Variants in NSMCE1 observed in about 807,000 individuals in gnomAD.
NSMCE1 encodes NSE1 component of SMC5/6 complex.
NSMCE1 carries 18 observed loss-of-function variants against 29.6 expected under a neutral mutation model. The observed-to-expected ratio is 0.61, with a 90% CI of 0.42 to 0.90. The LOEUF (loss-of-function observed/expected upper bound fraction) is 0.90. Among genes scored for constraint, NSMCE1 ranks in the 40% least tolerant of loss-of-function variants. The pLI is 0.00. For missense variants in NSMCE1, 314 were observed against 343.6 expected (o/e 0.91, Z 0.68); for synonymous variants, 124 against 133.4 (o/e 0.93, Z 0.49).
intron 2 of NSMCE1, 150 bp from the exon 3 acceptor site, chr16:27,235,449 G>A: frequency 1.3e-6 from 1 of 775,076 alleles, no homozygotes; most frequent in Admixed American, 3.0e-5. Flanking sequence ...GAACGCCAAT[G>A]CCACGTGGCT....
intron 2 of NSMCE1, among the ~76,000 whole-genome samples, chr16:27,251,159 AATATATATATAT>A (rs1166070119): frequency 1.2e-4 from 8 of 65,778 alleles, no homozygotes; most frequent in Non-Finnish European, 1.8e-4. Flanking sequence ...AATTATTTAA[AATATATATATAT>A]ATATATATAT....
chr16:27,243,397 T>C (rs555909916), intron 2 of NSMCE1, among the ~76,000 whole-genome samples: 1 of 152,302 alleles, frequency 6.6e-6, no homozygotes, highest in East Asian at 1.9e-4. Context: ...ATGGACCGTG[T>C]TACACTCATT....
intron 2 of NSMCE1, among the ~76,000 whole-genome samples, chr16:27,251,177 T>A (rs192319641): frequency 1.9e-5 from 1 of 52,140 alleles, no homozygotes; most frequent in Admixed American, 1.6e-4. Flanking sequence ...TATATATATA[T>A]ATATATATAT....
rs2083777210 is a variant in NSMCE1 at position 27,232,919 on chromosome 16, T to C, written c.483+82A>G. 1 of 1,456,850 alleles carries C rather than the reference T, an allele frequency of 6.9e-7. No individual in the cohort carries two copies. The highest frequency in any genetic ancestry group is 1.4e-5 in the African/African-American group (1 of 71,400). The allele number at this position is 1,456,850 out of a possible 1,614,324, so 90.2% of individuals were successfully genotyped here. On this transcript the variant is annotated intron_variant, in intron 5 of 7. Transcript: ENST00000361439. This position sits in a 1 kb window ranked among gnomAD's most constrained non-coding sequence, Gnocchi z 4.5. ...GAAGGCCGGGCTCCTCAGACATCAGTTGGCTACAAGTACGATTTTGGAGAA... is the reference window on the plus strand; with the variant it reads ...GAAGGCCGGGCTCCTCAGACATCAGCTGGCTACAAGTACGATTTTGGAGAA...
chr16:27,226,812 C>T lies in NSMCE1; in HGVS notation c.508G>A (p.Gly170Ser), dbSNP rs568194932. Residue 170 changes from glycine to serine, a missense_variant, in exon 6 of 8, where the codon GGC becomes AGC. Gly to Ser is a moderately conservative substitution (Grantham distance 56). Coordinates refer to ENST00000361439, the MANE Select transcript of NSMCE1 (RefSeq NM_145080.4). ...IEKEGEFTLH[G>S]RAILEMEQYI... Reference sequence around the variant, plus strand: ...TGCTCCATCTCCAGGATGGCCCGGCCGTGCAGGGTGAACTCCCCTTCCTTC... The same window carrying T: ...TGCTCCATCTCCAGGATGGCCCGGCTGTGCAGGGTGAACTCCCCTTCCTTC... 8.7e-6 allele frequency: 14 copies of T among 1,613,640 alleles called. No homozygotes were observed. Among genetic ancestry groups the T allele is most frequent in the East Asian group, 6.7e-5 (3 of 44,890 alleles).
At chr16:27,250,710 T>C (rs1190884522) in intron 2 of NSMCE1, among the ~76,000 whole-genome samples, 1 of 151,692 alleles carries the variant, frequency 6.6e-6, no homozygotes, top group Non-Finnish European at 1.5e-5. Context: ...GGAGAACTGC[T>C]TAAACCCAGG....
At chr16:27,229,054 C>T (rs2083736257) in intron 5 of NSMCE1, among the ~76,000 whole-genome samples, 1 of 152,190 alleles carries the variant, frequency 6.6e-6, no homozygotes, top group Non-Finnish European at 1.5e-5. Flanking sequence ...GGGCTTCCCA[C>T]CACCCTTAGG....
At chr16:27,264,485 C>T (rs958285026) in intron 1 of NSMCE1, among the ~76,000 whole-genome samples, 13 of 152,252 alleles carry the variant, frequency 8.5e-5, no homozygotes, top group African/African-American at 2.9e-4. Context: ...GAACAGAGAA[C>T]TCAGAAACGG....
chr16:27,229,969 G>T (rs948489634), intron 5 of NSMCE1, among the ~76,000 whole-genome samples: 2 of 152,218 alleles, frequency 1.3e-5, no homozygotes, highest in Non-Finnish European at 2.9e-5. Context: ...GGGCCCATCA[G>T]GGGAGGGGCA....
At chr16:27,227,778 CTTTTCTTTT>C (rs1267027181) in intron 5 of NSMCE1, among the ~76,000 whole-genome samples, 237 of 142,878 alleles carry the variant, frequency 1.7e-3, no homozygotes, top group South Asian at 3.3e-3. Context: ...CGTTTCTTTT[CTTTTCTTTT>C]TTTTTTTTTT....
chr16:27,248,555 C>T (rs1292895572), intron 2 of NSMCE1, among the ~76,000 whole-genome samples: 1 of 151,180 alleles, frequency 6.6e-6, no homozygotes, highest in African/African-American at 2.4e-5. Flanking sequence ...GGACTACAGG[C>T]ACCCGCCACC....
rs565517608 is a variant in NSMCE1, at chr16:27,251,132, C to T, written c.136+6303G>A. On this transcript the variant is annotated intron_variant, in intron 2 of 7. Transcript: ENST00000361439. ...CTGGGATTACAGGCGTGAGCTACCG[C>T]GCCCAGCCTTAATTTTAATTATTTA... 6.8e-3 allele frequency among the ~76,000 whole-genome samples: 935 copies of T among 137,872 alleles called. 9 individuals carry two copies. Among genetic ancestry groups the T allele is most frequent in the African/African-American group, 0.023 (884 of 38,048 alleles). The allele number at this position is 137,872 out of a possible 152,430, so 90.4% of individuals were successfully genotyped here.
At position 27,245,886 on chromosome 16, in the gene NSMCE1, G is replaced by T. The variant is rs375343470; in HGVS notation, c.137-10587C>A. On this transcript the variant is annotated intron_variant, in intron 2 of 7. Coordinates refer to ENST00000361439, the MANE Select transcript of NSMCE1 (RefSeq NM_145080.4). ...AAATCACTAAAAACAGAAGGAAAAT[G>T]TACTTGGAGCCAGCTTCTAATTATG... 6.5e-4 allele frequency among the ~76,000 whole-genome samples: 99 copies of T among 152,338 alleles called. 1 individual carries two copies. The highest frequency in any genetic ancestry group is 2.3e-3 in the African/African-American group (95 of 41,574).
chr16:27,251,207 T>TGTATATAA (rs1555477431), intron 2 of NSMCE1, among the ~76,000 whole-genome samples: 1 of 70,770 alleles, frequency 1.4e-5, no homozygotes, highest in Non-Finnish European at 2.9e-5. Context: ...TATATATATA[T>TGTATATAA]AAAACTCTGT....
At chr16:27,251,207 T>TATACATATATATATAA (rs1555477430) in intron 2 of NSMCE1, among the ~76,000 whole-genome samples, 1 of 70,770 alleles carries the variant, frequency 1.4e-5, no homozygotes. Flanking sequence ...TATATATATA[T>TATACATATATATATAA]AAAACTCTGT....
intron 3 of NSMCE1, 94 bp from the exon 4 acceptor site, chr16:27,234,359 G>T: frequency 2.4e-6 from 2 of 832,726 alleles, no homozygotes; most frequent in Non-Finnish European, 2.1e-6. Flanking sequence ...TCCATCTCTG[G>T]CCAGTCACTG....
At chr16:27,261,182 A>C (rs1164725931) in intron 1 of NSMCE1, among the ~76,000 whole-genome samples, 1 of 150,574 alleles carries the variant, frequency 6.6e-6, no homozygotes, top group East Asian at 1.9e-4. Context: ...AAAAAAAAAA[A>C]AGAAACTATA....
intron 2 of NSMCE1, among the ~76,000 whole-genome samples, chr16:27,242,218 C>T (rs1449574972): frequency 1.3e-5 from 2 of 152,148 alleles, no homozygotes; most frequent in Middle Eastern, 3.2e-3. Flanking sequence ...GACTCCTTGA[C>T]CCTCATGAAT....
chr16:27,249,375 C>G (rs755509968), intron 2 of NSMCE1, among the ~76,000 whole-genome samples: 1 of 152,114 alleles, frequency 6.6e-6, no homozygotes. Context: ...GAGGTTTTCT[C>G]CTATGTTTTC....
Sources: allele counts gnomAD v4.1 joint callset (sites outside exome capture counted in the v4.1 genomes callset), GRCh38; gene constraint gnomAD v4.1.1; non-coding constraint Gnocchi (gnomAD v3.1); transcripts MANE v1.5; gene names NCBI Gene and HGNC (gene_info 2026-07-23, HGNC 2026-07-21).